The following MEGF8 variants were observed in gnomAD, a reference collection of about 807,000 sequenced individuals.
MEGF8 encodes the protein multiple EGF like domains 8.
In MEGF8, 156 loss-of-function variants were observed where a neutral mutation model predicts 302.9. The observed-to-expected ratio is 0.52, with a 90% CI of 0.45 to 0.59. The LOEUF is 0.59. Among genes scored for constraint, MEGF8 ranks in the 20% least tolerant of loss-of-function variants. MEGF8 has a pLI of 0.00. For missense variants in MEGF8, 3,345 were observed against 3,964.5 expected (o/e 0.84, Z 4.20); for synonymous variants, 1,621 against 1,660.5 (o/e 0.98, Z 0.58).
At chr19:42,362,304 A>G (rs978510779) in intron 33 of MEGF8, 80 bp from the exon 34 acceptor site, 1 of 1,609,732 alleles carries the variant, frequency 6.2e-7, no homozygotes, top group Non-Finnish European at 8.5e-7. Context: ...CACCCACCCC[A>G]GGGTCTCAGG....
In MEGF8 at chr19:42,368,945, G is replaced by A. The variant is rs1270666990; in HGVS notation, c.6584G>A (p.Cys2195Tyr). 8 of 1,613,914 alleles carry A rather than the reference G, an allele frequency of 5.0e-6. No individual in the cohort carries two copies. The highest frequency in any genetic ancestry group is 6.8e-6 in the Non-Finnish European group (8 of 1,179,904). Residue 2195 changes from cysteine (C) to tyrosine (Y), a missense_variant, in exon 37 of 42, where the codon TGC (cysteine) becomes TAC (tyrosine). Cys to Tyr is a radical substitution (Grantham distance 194, BLOSUM62 -2). Coordinates refer to ENST00000251268, the MANE Select transcript of MEGF8 (RefSeq NM_001271938.2). The surrounding 1 kb of genome is among the most constrained non-coding windows in gnomAD (Gnocchi z 4.9). Reference sequence around the variant, plus strand: ...CACGACTGCAACGAGACGCAGAATTGCCACGACCAGCCCCACGGCTATGAG... The same window carrying A: ...CACGACTGCAACGAGACGCAGAATTACCACGACCAGCCCCACGGCTATGAG... ...GHHDCNETQN[C>Y]HDQPHGYECS...
At chr19:42,370,488 C>G in intron 39 of MEGF8, 129 bp downstream of exon 39, 1 of 984,208 alleles carries the variant, frequency 1.0e-6, no homozygotes, top group South Asian at 1.6e-5. Flanking sequence ...GCCTGGATTC[C>G]TGGGTCTGAG....
rs554088449 is a variant in MEGF8, at chr19:42,360,893, A to G, written c.5607A>G (p.Ala1869=). 1 of 1,613,420 alleles carries G rather than the reference A, an allele frequency of 6.2e-7. No individual in the cohort carries two copies. The highest frequency in any genetic ancestry group is 1.1e-5 in the South Asian group (1 of 91,068). The part of the protein sequence containing the change: ...FGGVALGRLL[A]LTLPPDPCRL... ...GAGTGGCCCTGGGCCGCCTGCTGGC[A>G]CTGACCCTGCCCCCTGACCCCTGCC... The change falls in exon 32 of 42, where the codon GCA becomes GCG. Residue 1869 remains alanine (A), a synonymous_variant. Transcript: ENST00000251268.
In MEGF8 at chr19:42,325,803, G is replaced by T. The variant is rs2038976435; in HGVS notation, c.-441G>T. ...GTCTCTCCTGGACCATCCGAACCTA[G>T]CCTGTCCCGGCCCGCAGCCTCTATG... is the stretch of plus-strand genomic sequence containing the variant. On this transcript the variant is annotated 5_prime_UTR_variant, in exon 1 of 42. Coordinates refer to ENST00000251268, the MANE Select transcript of MEGF8 (RefSeq NM_001271938.2). The T allele has an allele frequency of 6.2e-6, 1 of 160,434 alleles. No individual in the cohort carries two copies. The highest frequency in any genetic ancestry group is 2.4e-5 in the African/African-American group (1 of 41,790). The allele number at this position is 160,434 out of a possible 1,614,324, so 9.9% of individuals were successfully genotyped here. A position where few individuals can be genotyped will look rare whatever the true frequency, so the allele number is the denominator to read the frequency against.
intron 1 of MEGF8, among the ~76,000 whole-genome samples, chr19:42,332,460 C>G (rs895093755): frequency 8.5e-5 from 13 of 152,172 alleles, no homozygotes; most frequent in African/African-American, 2.9e-4. Context: ...CTCTGCCTCC[C>G]AGGTTCAAGC....
Position 42,335,149 on chromosome 19 carries a change from T to A in MEGF8, c.673T>A (p.Phe225Ile). 6.2e-7 allele frequency: 1 copy of A among 1,613,950 alleles called. No individual in the cohort carries two copies. Among genetic ancestry groups the A allele is most frequent in the Non-Finnish European group, 8.5e-7 (1 of 1,179,864 alleles). ...CAACGTGAGTGCCAGGGACCCTGCC[T>A]TCTCTGCCCGTATTGGGGCAGCTGG... ...WHNVSARDPA[F>I]SARIGAAGAF... The change falls in exon 4 of 42, where the codon TTC becomes ATC. Residue 225 changes from phenylalanine (F) to isoleucine (I), a missense_variant. Physicochemically the swap from Phe to Ile is conservative, Grantham distance 21. Transcript: ENST00000251268.
chr19:42,373,915 G>A (rs1286725737), intron 41 of MEGF8, among the ~76,000 whole-genome samples: 1 of 151,874 alleles, frequency 6.6e-6, no homozygotes, highest in African/African-American at 2.4e-5. Context: ...GTCTTACTAT[G>A]TTGCCCAGAC....
Position 42,352,275 on chromosome 19 carries a change from C to T in MEGF8, c.3169C>T (p.Leu1057=), listed in dbSNP as rs1008822188. The T allele has an allele frequency of 3.2e-6, 5 of 1,565,790 alleles. No individual in the cohort carries two copies. The highest frequency in any genetic ancestry group is 4.3e-6 in the Non-Finnish European group (5 of 1,155,088). ...GNCSLWVGEG[L]GLPVALPARW... The stretch of plus-strand genomic sequence containing the variant: ...CTGCTCCCTGTGGGTGGGGGAGGGC[C>T]TGGGGCTTCCCGTGGCCCTCCCTGC... Residue 1057 remains leucine, a synonymous_variant, in exon 19 of 42, where the codon CTG becomes TTG. Coordinates refer to ENST00000251268, the MANE Select transcript of MEGF8 (RefSeq NM_001271938.2). The surrounding 1 kb of genome is among the most constrained non-coding windows in gnomAD (Gnocchi z 4.4).
chr19:42,360,547 G>A (rs766266044), intron 31 of MEGF8, among the ~76,000 whole-genome samples: 2 of 151,946 alleles, frequency 1.3e-5, no homozygotes, highest in South Asian at 4.1e-4. Flanking sequence ...GTCTTTCTAC[G>A]TTGCCCAGGC....
intron 1 of MEGF8, among the ~76,000 whole-genome samples, chr19:42,330,158 G>A (rs1372267603): frequency 1.3e-5 from 2 of 152,118 alleles, no homozygotes; most frequent in African/African-American, 2.4e-5. Flanking sequence ...GGCCAGGCTG[G>A]TCTCAAACTC....
chr19:42,376,254 A>G lies in MEGF8; in HGVS notation c.8017A>G (p.Lys2673Glu). 6.2e-7 allele frequency: 1 copy of G among 1,610,084 alleles called. No homozygotes were observed. Among genetic ancestry groups the G allele is most frequent in the Non-Finnish European group, 8.5e-7 (1 of 1,178,376 alleles). Residue 2673 changes from lysine (K) to glutamate (E), a missense_variant, in exon 42 of 42, where the codon AAG (lysine) becomes GAG (glutamate). Lys to Glu is a moderately conservative substitution (Grantham distance 56). Coordinates refer to ENST00000251268, the MANE Select transcript of MEGF8 (RefSeq NM_001271938.2). The surrounding 1 kb of genome is among the most constrained non-coding windows in gnomAD (Gnocchi z 8.2). ...LSLCVLLWKA[K>E]QALDQRQEQR... ...ACTCTGTGTGCTCCTCTGGAAGGCC[A>G]AGCAGGCTCTGGACCAGCGGCAGGA...
In MEGF8 at chr19:42,344,555, G is replaced by T; in HGVS notation, c.1903G>T (p.Val635Leu). ...GGGACCTGGCACCCTGGGCTGGTGCGTGCACAATGAGAGCTGCCTCCCTAG... is the reference window on the plus strand; with the variant it reads ...GGGACCTGGCACCCTGGGCTGGTGCTTGCACAATGAGAGCTGCCTCCCTAG... The part of the protein sequence containing the change: ...PRGPGTLGWC[V>L]HNESCLPRPE... The change falls in exon 11 of 42, where the codon GTG (valine) becomes TTG (leucine). Residue 635 changes from valine (V) to leucine (L), a missense_variant. Physicochemically the swap from Val to Leu is conservative, Grantham distance 32. Coordinates refer to ENST00000251268, the MANE Select transcript of MEGF8 (RefSeq NM_001271938.2). This position sits in a 1 kb window ranked among gnomAD's most constrained non-coding sequence, Gnocchi z 4.5. 5.0e-6 allele frequency: 8 copies of T among 1,598,876 alleles called. No homozygotes were observed. The highest frequency in any genetic ancestry group is 1.1e-5 in the South Asian group (1 of 90,762).
Position 42,350,481 on chromosome 19 carries a change from C to T in MEGF8, c.2736+97C>T, listed in dbSNP as rs1242284035. On this transcript the variant is annotated intron_variant, in intron 15 of 41. Transcript: ENST00000251268. ...CCCCTGGTGGGGGGTGTGGGGGAAA[C>T]AGCAAGGGCTTTTGGCCTTGATCTG... 6.9e-6 allele frequency: 8 copies of T among 1,154,586 alleles called. No homozygotes were observed. In the Admixed American group the frequency reaches 8.7e-5, roughly 13 times the overall value. The allele number at this position is 1,154,586 out of a possible 1,614,324, so 71.5% of individuals were successfully genotyped here.
Position 42,358,147 on chromosome 19 carries a change from T to C in MEGF8, c.5015T>C (p.Leu1672Pro). ...GAQSGTPPTG[L>P]YGHSAVYHEA... is the part of the protein sequence containing the mutation. ...CTGTCACCCTGCCCCTCACCAGGTC[T>C]CTATGGTCACTCTGCTGTCTACCAC... Residue 1672 changes from leucine (L) to proline (P), a missense_variant, in exon 29 of 42, where the codon CTC becomes CCC. Transcript: ENST00000251268. This position sits in a 1 kb window ranked among gnomAD's most constrained non-coding sequence, Gnocchi z 4.4. The C allele has an allele frequency of 6.3e-7, 1 of 1,582,724 alleles. No homozygotes were observed. The highest frequency in any genetic ancestry group is 8.6e-7 in the Non-Finnish European group (1 of 1,165,750).
At position 42,333,709 on chromosome 19, in the gene MEGF8, C is replaced by T. The variant is rs2039084552; in HGVS notation, c.292C>T (p.Leu98=). Residue 98 remains leucine (L), a synonymous_variant, in exon 2 of 42, where the codon CTG becomes TTG. Coordinates refer to ENST00000251268, the MANE Select transcript of MEGF8 (RefSeq NM_001271938.2). ...VYDGDSPRGP[L]LASLSGSTRP... is the part of the protein sequence containing the mutation. ...TGACGGTGACTCCCCGCGAGGGCCG[C>T]TGCTTGCCAGTCTAAGTGGGAGCAC... 6.2e-7 allele frequency: 1 copy of T among 1,614,010 alleles called. No homozygotes were observed. Among genetic ancestry groups the T allele is most frequent in the Non-Finnish European group, 8.5e-7 (1 of 1,179,902 alleles).
At position 42,358,741 on chromosome 19, in the gene MEGF8, AGAGACTCGAG is replaced by A. The variant is rs753482397; in HGVS notation, c.5176-42_5176-33del. The A allele has an allele frequency of 1.6e-5, 24 of 1,470,472 alleles. No homozygotes were observed. Among genetic ancestry groups the A allele is most frequent in the Non-Finnish European group, 1.9e-5 (21 of 1,110,322 alleles). 91.1% of individuals were successfully genotyped at this position (1,470,472 alleles called of 1,614,324 possible). A position where few individuals can be genotyped will look rare whatever the true frequency, so the allele number is the denominator to read the frequency against. ...TCTTGGAGGCAGGGGGCTAGAAGCAAGAGACTCGAGGAGCCTCAACCCCAGGACGCCCCCA... is the reference window on the plus strand; with the variant it reads ...TCTTGGAGGCAGGGGGCTAGAAGCAAGAGCCTCAACCCCAGGACGCCCCCA... On this transcript the variant is annotated intron_variant, in intron 29 of 41. Coordinates refer to ENST00000251268, the MANE Select transcript of MEGF8 (RefSeq NM_001271938.2). The surrounding 1 kb of genome is among the most constrained non-coding windows in gnomAD (Gnocchi z 4.4).
In MEGF8 at chr19:42,370,353, AGAG is replaced by A; in HGVS notation, c.7004_7005+1del. ...AGCCAAAGAAGTACTCACTGGACCC[AGAG>A]GAGGTGAAAGAGAGGGGTCAGATGC... On this transcript the variant is annotated inframe_deletion, in exon 39 of 42. Coordinates refer to ENST00000251268, the MANE Select transcript of MEGF8 (RefSeq NM_001271938.2). The A allele has an allele frequency of 6.4e-7, 1 of 1,572,980 alleles. No homozygotes were observed. Among genetic ancestry groups the A allele is most frequent in the Non-Finnish European group, 8.6e-7 (1 of 1,158,962 alleles).
rs770062059 is a variant in MEGF8, at chr19:42,357,512, C to A, written c.4939C>A (p.Gln1647Lys). 1.2e-6 allele frequency: 2 copies of A among 1,613,728 alleles called. No homozygotes were observed. The highest frequency in any genetic ancestry group is 8.5e-7 in the Non-Finnish European group (1 of 1,179,808). ...GGYSPENGFN[Q>K]QLLEYQLATG... ...TTACTCCCCGGAAAATGGCTTCAAC[C>A]AGCAGCTGCTGGAGTACCAGCTGGC... Residue 1647 changes from glutamine (Q) to lysine (K), a missense_variant, in exon 28 of 42, where the codon CAG (glutamine) becomes AAG (lysine). Transcript: ENST00000251268. This position sits in a 1 kb window ranked among gnomAD's most constrained non-coding sequence, Gnocchi z 5.2.
chr19:42,360,973 A>G lies in MEGF8; in HGVS notation c.5687A>G (p.His1896Arg). 1.9e-6 allele frequency: 3 copies of G among 1,574,910 alleles called. No homozygotes were observed. The highest frequency in any genetic ancestry group is 1.7e-6 in the Non-Finnish European group (2 of 1,158,018). ...CNQSGACTWC[H>R]GACLSGDQAH... ...CAGTCTGGGGCCTGCACCTGGTGCC[A>G]TGGGGCCTGCTTGTCCGGGGATCAG... The change falls in exon 32 of 42, where the codon CAT (histidine) becomes CGT (arginine). Residue 1896 changes from histidine (H) to arginine (R), a missense_variant. Coordinates refer to ENST00000251268, the MANE Select transcript of MEGF8 (RefSeq NM_001271938.2).
Sources: allele counts gnomAD v4.1 joint callset (sites outside exome capture counted in the v4.1 genomes callset), GRCh38; gene constraint gnomAD v4.1.1; non-coding constraint Gnocchi (gnomAD v3.1); transcripts MANE v1.5; gene names NCBI Gene and HGNC (gene_info 2026-07-23, HGNC 2026-07-21).